The following SLC25A12 variants were observed in gnomAD, a reference collection of about 807,000 sequenced individuals.
SLC25A12 encodes solute carrier family 25 member 12, also known as electrogenic aspartate/glutamate antiporter SLC25A12, mitochondrial.
A neutral mutation model predicts 83.3 loss-of-function variants in SLC25A12; 32 were observed. The observed-to-expected ratio is 0.38, with a 90% CI of 0.29 to 0.52. SLC25A12 has a LOEUF of 0.52. SLC25A12 is among the 20% of genes least tolerant of loss of function. The probability of loss-of-function intolerance (pLI) is 0.84; values close to 1 mark genes in which losing one functional copy is unlikely to be tolerated. For missense variants in SLC25A12, 611 were observed against 835.6 expected, an observed-to-expected ratio of 0.73 and a Z score of 3.31; for synonymous variants, 267 against 291.1, an observed-to-expected ratio of 0.92 and a Z score of 0.84.
intron 13 of SLC25A12, among the ~76,000 whole-genome samples, chr2:171,804,907 C>T (rs750507722): frequency 1.5e-4 from 23 of 152,116 alleles, no homozygotes; most frequent in African/African-American, 3.6e-4. Flanking sequence ...CTAGATCTTA[C>T]GGATGGGATG....
At chr2:171,888,670 T>G (rs1172515767) in intron 2 of SLC25A12, among the ~76,000 whole-genome samples, 2 of 152,086 alleles carry the variant, frequency 1.3e-5, no homozygotes, top group Non-Finnish European at 2.9e-5. Flanking sequence ...CTCAAACTCC[T>G]GACCTCAAGT....
In SLC25A12 at chr2:171,783,920, C is replaced by T. The variant is rs1304995159; in HGVS notation, c.*1354G>A. ...GGATACTAAGTAACTTGGTCTGTCTCCAGGCTCGCCTCTTGAAAATATTTG... is the reference window on the plus strand; with the variant it reads ...GGATACTAAGTAACTTGGTCTGTCTTCAGGCTCGCCTCTTGAAAATATTTG... On this transcript the variant is annotated 3_prime_UTR_variant, in exon 18 of 18. Transcript: ENST00000422440. 3.3e-5 allele frequency among the ~76,000 whole-genome samples: 5 copies of T among 152,198 alleles called. No homozygotes were observed. The highest frequency in any genetic ancestry group is 1.9e-4 in the East Asian group (1 of 5,200).
chr2:171,854,200 C>CT (rs1684996219), intron 4 of SLC25A12, among the ~76,000 whole-genome samples: 1 of 152,198 alleles, frequency 6.6e-6, no homozygotes, highest in Non-Finnish European at 1.5e-5. Context: ...AGTCAACATT[C>CT]TTCAGGAGGC....
rs1361548276 is a variant in SLC25A12 at position 171,815,110 on chromosome 2, A to G, written c.1012+11T>C. The G allele has an allele frequency of 1.9e-6, 3 of 1,608,824 alleles. No individual in the cohort carries two copies. The highest frequency in any genetic ancestry group is 1.3e-5 in the African/African-American group (1 of 74,814). ...CACAAGCCTCAAACAGCACACAGAC[A>G]TGTCACTCACCTCCAGCAACTGAGC... is the stretch of plus-strand genomic sequence containing the variant. On this transcript the variant is annotated intron_variant, in intron 10 of 17. Transcript: ENST00000422440.
At chr2:171,841,171 C>G (rs1684665042) in intron 5 of SLC25A12, among the ~76,000 whole-genome samples, 2 of 152,140 alleles carry the variant, frequency 1.3e-5, no homozygotes, top group Admixed American at 1.3e-4. Flanking sequence ...CTTCTGCCTC[C>G]CAGGCTCAAG....
chr2:171,839,405 G>C (rs1278619997), intron 5 of SLC25A12, among the ~76,000 whole-genome samples: 3 of 152,164 alleles, frequency 2.0e-5, no homozygotes, highest in African/African-American at 7.2e-5. Flanking sequence ...TAGGTAGGTA[G>C]GTAGGTGGAT....
chr2:171,885,176 CAA>C (rs11458998), intron 2 of SLC25A12, among the ~76,000 whole-genome samples: 9 of 120,446 alleles, frequency 7.5e-5, no homozygotes, highest in Non-Finnish European at 9.0e-5. Flanking sequence ...GACTCCGTCT[CAA>C]AAAAAAAAAA....
chr2:171,882,837 T>C (rs1287112008), intron 2 of SLC25A12, among the ~76,000 whole-genome samples: 3 of 152,086 alleles, frequency 2.0e-5, no homozygotes, highest in Admixed American at 6.5e-5. Flanking sequence ...AAAAAAAATA[T>C]GTATTTTTTC....
chr2:171,869,220 T>C (rs548408610), intron 2 of SLC25A12, among the ~76,000 whole-genome samples: 1 of 152,294 alleles, frequency 6.6e-6, no homozygotes, highest in South Asian at 2.1e-4. Context: ...AGATTTCTCT[T>C]TGGGGATGAT....
At chr2:171,810,147 G>A (rs1683919532) in intron 12 of SLC25A12, 77 bp downstream of exon 12, 5 of 1,260,604 alleles carry the variant, frequency 4.0e-6, no homozygotes, top group African/African-American at 1.5e-5. Flanking sequence ...GAGCTACCAC[G>A]CCTAGCCTTG....
intron 8 of SLC25A12, among the ~76,000 whole-genome samples, chr2:171,827,757 A>G (rs1684336807): frequency 6.6e-6 from 1 of 152,204 alleles, no homozygotes; most frequent in South Asian, 2.1e-4. Context: ...AAGAAACTGG[A>G]CAACTTGTAG....
chr2:171,799,625 G>T (rs1683668499), intron 13 of SLC25A12, among the ~76,000 whole-genome samples: 1 of 152,178 alleles, frequency 6.6e-6, no homozygotes. Context: ...AAAAGCATGG[G>T]AGAGTTGAAA....
At chr2:171,797,548 GCAA>G (rs1345442733) in intron 13 of SLC25A12, among the ~76,000 whole-genome samples, 1 of 152,004 alleles carries the variant, frequency 6.6e-6, no homozygotes. Context: ...TATTAACTAC[GCAA>G]CAACAACAAG....
chr2:171,893,158 C>A, intron 2 of SLC25A12, 47 bp downstream of exon 2: 2 of 1,488,846 alleles, frequency 1.3e-6, no homozygotes, highest in Non-Finnish European at 1.9e-6. Flanking sequence ...AGGACATGTA[C>A]GTTTTTTGTT....
intron 15 of SLC25A12, among the ~76,000 whole-genome samples, chr2:171,789,478 T>C (rs1015631994): frequency 6.6e-6 from 1 of 152,132 alleles, no homozygotes; most frequent in African/African-American, 2.4e-5. Flanking sequence ...TCTGCCCGCC[T>C]TGGCCTCCCA....
chr2:171,787,712 G>C (rs992670150), intron 16 of SLC25A12, 51 bp from the exon 17 acceptor site: 2 of 1,608,320 alleles, frequency 1.2e-6, no homozygotes, highest in Non-Finnish European at 8.5e-7. Context: ...GACAAATGTG[G>C]TAAAGATAGC....
chr2:171,843,898 C>T (rs1573976630), intron 5 of SLC25A12, among the ~76,000 whole-genome samples: 3 of 149,072 alleles, frequency 2.0e-5, no homozygotes, highest in African/African-American at 7.4e-5. Flanking sequence ...CAGGTTCACA[C>T]CATTCTCCTG....
intron 13 of SLC25A12, among the ~76,000 whole-genome samples, chr2:171,798,850 C>T (rs186715524): frequency 4.1e-4 from 63 of 152,192 alleles, no homozygotes; most frequent in African/African-American, 1.4e-3. Context: ...TGCTATGATC[C>T]GAATATTGGT....
intron 9 of SLC25A12, among the ~76,000 whole-genome samples, chr2:171,824,688 TCA>T (rs1190318068): frequency 7.0e-6 from 1 of 142,640 alleles, no homozygotes; most frequent in Non-Finnish European, 1.6e-5. Context: ...TAAAAATTTT[TCA>T]CATTCTTTCC....
Sources: allele counts gnomAD v4.1 joint callset (sites outside exome capture counted in the v4.1 genomes callset), GRCh38; gene constraint gnomAD v4.1.1; transcripts MANE v1.5; gene names NCBI Gene and HGNC (gene_info 2026-07-23, HGNC 2026-07-21).